Variants in CEP41 observed in about 807,000 individuals in gnomAD.
CEP41 encodes centrosomal protein of 41 kDa.
Under a neutral mutation model 44.3 loss-of-function variants are expected in CEP41, and 32 were observed. That is an observed-to-expected ratio of 0.72 (90% confidence interval 0.54 to 0.97). The LOEUF (loss-of-function observed/expected upper bound fraction) is 0.97. CEP41 is among the 50% of genes least tolerant of loss of function. CEP41 has a pLI of 0.00. For synonymous variants in CEP41, 151 were observed against 168.5 expected (o/e 0.90, Z 0.80); for missense variants, 432 against 455.2 (o/e 0.95, Z 0.46).
chr7:130,429,066 T>C (rs1797751486), intron 1 of CEP41, among the ~76,000 whole-genome samples: 1 of 152,224 alleles, frequency 6.6e-6, no homozygotes, highest in Non-Finnish European at 1.5e-5. Context: ...AAGGCAGTTG[T>C]CCTGACCCTC....
chr7:130,425,891 T>C (rs1554423344), intron 2 of CEP41, among the ~76,000 whole-genome samples: 1 of 152,166 alleles, frequency 6.6e-6, no homozygotes, highest in African/African-American at 2.4e-5. Flanking sequence ...AAAAAGCCAA[T>C]CCAAAAGGTT....
At chr7:130,418,531 T>C (rs538939708) in intron 2 of CEP41, among the ~76,000 whole-genome samples, 2 of 152,276 alleles carry the variant, frequency 1.3e-5, no homozygotes, top group South Asian at 4.1e-4. Flanking sequence ...AGGTTATATG[T>C]CCCTGAGTCA....
In CEP41 at chr7:130,397,506, A is replaced by ATTTTT. The variant is rs55776575; in HGVS notation, c.*1380_*1384dup. The stretch of plus-strand genomic sequence containing the variant: ...CCCCATGCTAGAAATACTGTGGTGC[A>ATTTTT]TTTTTTTTTTTTTTTTTTTTTTTTT... On this transcript the variant is annotated 3_prime_UTR_variant, in exon 11 of 11. Transcript: ENST00000223208. 5.0e-4 allele frequency: 153 copies of ATTTTT among 303,718 alleles called. 1 individual carries two copies. Among genetic ancestry groups the ATTTTT allele is most frequent in the East Asian group, 1.2e-3 (12 of 10,062 alleles). 18.8% of individuals were successfully genotyped at this position (303,718 alleles called of 1,614,324 possible).
chr7:130,395,152 T>A lies in CEP41; in HGVS notation c.*3739A>T. 2.2e-6 allele frequency: 1 copy of A among 453,772 alleles called. No homozygotes were observed. The highest frequency in any genetic ancestry group is 4.4e-6 in the Non-Finnish European group (1 of 226,586). The allele number at this position is 453,772 out of a possible 1,614,324, so 28.1% of individuals were successfully genotyped here. A position where few individuals can be genotyped will look rare whatever the true frequency, so the allele number is the denominator to read the frequency against. ...TGACCTGTGTATCCATTTAAAGATG[T>A]CATAATAATAATTTCAATAATTATT... On this transcript the variant is annotated 3_prime_UTR_variant, in exon 11 of 11. Coordinates refer to ENST00000223208, the MANE Select transcript of CEP41 (RefSeq NM_018718.3).
At chr7:130,424,191 G>A (rs1025572981) in intron 2 of CEP41, among the ~76,000 whole-genome samples, 9 of 152,094 alleles carry the variant, frequency 5.9e-5, no homozygotes, top group African/African-American at 1.2e-4. Context: ...GAGGTCAGAC[G>A]TTCATGACCA....
At chr7:130,418,730 T>TA (rs1554421457) in intron 2 of CEP41, among the ~76,000 whole-genome samples, 3 of 152,150 alleles carry the variant, frequency 2.0e-5, no homozygotes, top group Non-Finnish European at 2.9e-5. Context: ...TGTGTTGTTG[T>TA]AAAAAAACAC....
chr7:130,399,555 T>C (rs1796778204), intron 10 of CEP41: 2 of 218,458 alleles, frequency 9.2e-6, no homozygotes, highest in Middle Eastern at 1.8e-3. Flanking sequence ...TGGTGGCTCA[T>C]GCCTGTAATC....
intron 3 of CEP41, among the ~76,000 whole-genome samples, chr7:130,413,166 AT>A (rs1797234612): frequency 6.6e-6 from 1 of 151,792 alleles, no homozygotes; most frequent in South Asian, 2.1e-4. Context: ...TAATTTGTGT[AT>A]TTTAGTAGAG....
At chr7:130,412,357 A>G (rs1797209160) in intron 3 of CEP41, 117 bp from the exon 4 acceptor site, 4 of 652,328 alleles carry the variant, frequency 6.1e-6, no homozygotes, top group East Asian at 2.8e-5. Context: ...CTATTATCTC[A>G]TTTGAGCCTC....
At chr7:130,438,929 C>T (rs1554426848) in intron 1 of CEP41, among the ~76,000 whole-genome samples, 1 of 152,122 alleles carries the variant, frequency 6.6e-6, no homozygotes, top group Non-Finnish European at 1.5e-5. Flanking sequence ...ATCCATCAAC[C>T]CACTTATCTT....
intron 2 of CEP41, among the ~76,000 whole-genome samples, chr7:130,424,418 A>ATTT (rs1797600496): frequency 6.6e-6 from 1 of 152,024 alleles, no homozygotes. Context: ...AAAAAAAGAA[A>ATTT]AAGAAAGTGG....
At chr7:130,440,831 G>T in intron 1 of CEP41, 103 bp downstream of exon 1, 10 of 532,236 alleles carry the variant, frequency 1.9e-5, no homozygotes, top group Non-Finnish European at 7.8e-6. Context: ...GCCCCTTCCC[G>T]CCTTCCGGGC....
chr7:130,428,847 G>T (rs1057063925), intron 1 of CEP41, among the ~76,000 whole-genome samples: 1 of 151,382 alleles, frequency 6.6e-6, no homozygotes, highest in Non-Finnish European at 1.5e-5. Flanking sequence ...GGAGGCGGAG[G>T]TTGCGGTGAG....
intron 4 of CEP41, 116 bp from the exon 5 acceptor site, chr7:130,411,307 G>T: frequency 1.2e-6 from 1 of 833,546 alleles, no homozygotes; most frequent in Non-Finnish European, 2.0e-6. Flanking sequence ...GTTTTAAGAA[G>T]CTGTCAGTGT....
Position 130,400,267 on chromosome 7 carries a change from A to C in CEP41, c.758-13T>G, listed in dbSNP as rs781955265. On this transcript the variant is annotated splice_polypyrimidine_tract_variant and intron_variant, in intron 9 of 10. Transcript: ENST00000223208. The stretch of plus-strand genomic sequence containing the variant: ...AAGACTTTTAGACCTAGGTTTGGAA[A>C]ATCATCAGAAAAAGCTGCATTAATA... 5.0e-6 allele frequency: 8 copies of C among 1,596,770 alleles called. No homozygotes were observed. The South Asian group carries it at 6.6e-5, about 13-fold the overall frequency.
intron 2 of CEP41, chr7:130,426,750 A>G: frequency 2.2e-6 from 1 of 445,482 alleles, no homozygotes. Context: ...AAATACAGGA[A>G]CAGTACGGCC....
chr7:130,396,729 A>G lies in CEP41; in HGVS notation c.*2162T>C. ...GCAGATTAGAACAGCTCTTTTGAGC[A>G]TGGTTATTTAAAATCCTTACCAACA... On this transcript the variant is annotated 3_prime_UTR_variant, in exon 11 of 11. Transcript: ENST00000223208. 2.2e-6 allele frequency: 1 copy of G among 454,492 alleles called. No homozygotes were observed. Among genetic ancestry groups the G allele is most frequent in the Non-Finnish European group, 4.4e-6 (1 of 226,796 alleles). The allele number at this position is 454,492 out of a possible 1,614,324, so 28.2% of individuals were successfully genotyped here. A position where few individuals can be genotyped will look rare whatever the true frequency, so the allele number is the denominator to read the frequency against.
In CEP41 at chr7:130,396,700, A is replaced by G. The variant is rs1554414729; in HGVS notation, c.*2191T>C. 1 of 454,568 alleles carries G rather than the reference A, an allele frequency of 2.2e-6. No individual in the cohort carries two copies. Among genetic ancestry groups the G allele is most frequent in the Non-Finnish European group, 4.4e-6 (1 of 226,800 alleles). The allele number at this position is 454,568 out of a possible 1,614,324, so 28.2% of individuals were successfully genotyped here. On this transcript the variant is annotated 3_prime_UTR_variant, in exon 11 of 11. Transcript: ENST00000223208. ...GTTTGATATTAACACTTAACATGCA[A>G]AACGCAGATTAGAACAGCTCTTTTG...
Position 130,397,340 on chromosome 7 carries a change from G to A in CEP41, c.*1551C>T, listed in dbSNP as rs1235365514. On this transcript the variant is annotated 3_prime_UTR_variant, in exon 11 of 11. Coordinates refer to ENST00000223208, the MANE Select transcript of CEP41 (RefSeq NM_018718.3). ...GTCCCTGGTTTGTTTGATTTCTAAA[G>A]CATCGGAAAATGTTGCACTTTGGAA... is the stretch of plus-strand genomic sequence containing the variant. 4 of 454,284 alleles carry A rather than the reference G, an allele frequency of 8.8e-6. No individual in the cohort carries two copies. Among genetic ancestry groups the A allele is most frequent in the African/African-American group, 8.0e-5 (4 of 49,954 alleles). 28.1% of individuals were successfully genotyped at this position (454,284 alleles called of 1,614,324 possible).
Sources: allele counts gnomAD v4.1 joint callset (sites outside exome capture counted in the v4.1 genomes callset), GRCh38; gene constraint gnomAD v4.1.1; transcripts MANE v1.5; gene names NCBI Gene and HGNC (gene_info 2026-07-23, HGNC 2026-07-21).